SPATA6: variants seen among roughly 807,000 people sequenced by gnomAD.
SPATA6 encodes the protein spermatogenesis associated 6, also known as spermatogenesis-associated protein 6.
A neutral mutation model predicts 65.3 loss-of-function variants in SPATA6; 56 were observed. That is an observed-to-expected ratio of 0.86 (90% CI 0.69 to 1.07). SPATA6 has a LOEUF of 1.07. SPATA6 is among the 50% of genes least tolerant of loss of function. The pLI, the probability that SPATA6 is intolerant of heterozygous loss-of-function variation, is 0.00. For missense variants in SPATA6, 590 were observed against 594.8 expected (o/e 0.99, Z 0.08); for synonymous variants, 199 against 213.2 (o/e 0.93, Z 0.58).
At chr1:48,432,819 T>C (rs1336270073) in intron 3 of SPATA6, among the ~76,000 whole-genome samples, 1 of 152,156 alleles carries the variant, frequency 6.6e-6, no homozygotes, top group Non-Finnish European at 1.5e-5. Flanking sequence ...CAAACAGATA[T>C]CTGTACTCCC....
At chr1:48,359,858 G>A (rs1646761671) in intron 9 of SPATA6, 88 bp from the exon 10 acceptor site, 1 of 977,742 alleles carries the variant, frequency 1.0e-6, no homozygotes, top group African/African-American at 1.6e-5. Context: ...ATGCATAGTA[G>A]TCATATGCAT....
At chr1:48,305,902 T>C (rs1645050017) in intron 11 of SPATA6, 24 bp from the exon 12 acceptor site, 1 of 1,571,282 alleles carries the variant, frequency 6.4e-7, no homozygotes. Context: ...AAGATTTCCA[T>C]TAACTCACTG....
At chr1:48,338,436 T>C (rs1646120108) in intron 11 of SPATA6, among the ~76,000 whole-genome samples, 1 of 152,034 alleles carries the variant, frequency 6.6e-6, no homozygotes, top group African/African-American at 2.4e-5. Flanking sequence ...GCAAAATGCA[T>C]CTTCCTGCTA....
chr1:48,452,367 T>C (rs1656645371), intron 2 of SPATA6, among the ~76,000 whole-genome samples: 1 of 151,066 alleles, frequency 6.6e-6, no homozygotes, highest in Non-Finnish European at 1.5e-5. Flanking sequence ...GAAACAGTCA[T>C]AAGTAAAATA....
chr1:48,372,214 C>T (rs1184074540), intron 9 of SPATA6, among the ~76,000 whole-genome samples: 3 of 152,128 alleles, frequency 2.0e-5, no homozygotes, highest in South Asian at 2.1e-4. Flanking sequence ...TGCCTATGAG[C>T]CTGTAAAACC....
chr1:48,278,610 A>G, the SPATA6 span, among the ~76,000 whole-genome samples: 7 of 152,228 alleles, frequency 4.6e-5, no homozygotes, highest in African/African-American at 1.7e-4. Flanking sequence ...AATGAAATGA[A>G]GCGAGAAGGG....
At chr1:48,449,866 A>G (rs890276833) in intron 3 of SPATA6, among the ~76,000 whole-genome samples, 2 of 152,228 alleles carry the variant, frequency 1.3e-5, no homozygotes, top group African/African-American at 4.8e-5. Context: ...CATAATGCAT[A>G]GAATTTGCTT....
At chr1:48,335,954 T>C (rs774346400) in intron 11 of SPATA6, among the ~76,000 whole-genome samples, 2 of 151,986 alleles carry the variant, frequency 1.3e-5, no homozygotes, top group Non-Finnish European at 2.9e-5. Context: ...AACAATCCCA[T>C]TAAAAAGTGG....
At chr1:48,321,428 C>G (rs1162691018) in intron 11 of SPATA6, among the ~76,000 whole-genome samples, 3 of 151,960 alleles carry the variant, frequency 2.0e-5, no homozygotes, top group Admixed American at 6.6e-5. Context: ...TAAAAAGAGA[C>G]AAGTTCACTA....
rs756411278 is a variant in SPATA6 at position 48,298,770 on chromosome 1, G to C, written c.1410C>G (p.Tyr470Ter). ...TACAGGCCTTTTTGTATAAGTTCCT[G>C]TACATCTTGTCCATGCTGTTCTCAA... ...PIFENSMDKM[Y>*]RNLYKKACSS... Residue 470 changes from tyrosine to a stop codon, truncating the protein, a stop_gained, in exon 13 of 13, where the codon TAC (tyrosine) becomes TAG (stop). Coordinates refer to ENST00000371847, the MANE Select transcript of SPATA6 (RefSeq NM_019073.4). LOFTEE classifies it high-confidence loss of function. 1 of 1,613,994 alleles carries C rather than the reference G, an allele frequency of 6.2e-7. No individual in the cohort carries two copies. Among genetic ancestry groups the C allele is most frequent in the South Asian group, 1.1e-5 (1 of 91,070 alleles).
chr1:48,362,858 A>C (rs1307340107), intron 9 of SPATA6, among the ~76,000 whole-genome samples: 2 of 152,158 alleles, frequency 1.3e-5, no homozygotes, highest in Non-Finnish European at 2.9e-5. Context: ...GTAATAGAGA[A>C]TATCATAGAG....
intron 11 of SPATA6, chr1:48,326,055 G>C (rs1051499578): frequency 1.9e-5 from 3 of 161,682 alleles, no homozygotes; most frequent in African/African-American, 7.2e-5. Flanking sequence ...AACCAGAAGG[G>C]GGCTTACCTG....
chr1:48,464,033 A>T (rs562392056), intron 1 of SPATA6, among the ~76,000 whole-genome samples: 1 of 152,054 alleles, frequency 6.6e-6, no homozygotes, highest in Non-Finnish European at 1.5e-5. Flanking sequence ...AACATTCAGG[A>T]TTTTTTAAAA....
intron 11 of SPATA6, among the ~76,000 whole-genome samples, chr1:48,351,827 C>G (rs1170953758): frequency 6.6e-6 from 1 of 151,956 alleles, no homozygotes; most frequent in Non-Finnish European, 1.5e-5. Flanking sequence ...CTTCTATTTT[C>G]AGGGATGTGC....
At chr1:48,421,127 G>A (rs1287236651) in intron 3 of SPATA6, among the ~76,000 whole-genome samples, 1 of 152,084 alleles carries the variant, frequency 6.6e-6, no homozygotes, top group Non-Finnish European at 1.5e-5. Flanking sequence ...GTGATCTATT[G>A]CACAGTAGGG....
intron 3 of SPATA6, among the ~76,000 whole-genome samples, chr1:48,417,310 T>C (rs1652866315): frequency 6.6e-6 from 1 of 152,130 alleles, no homozygotes; most frequent in Admixed American, 6.6e-5. Context: ...TTAGAAACAA[T>C]GTTATAATCT....
At chr1:48,380,284 CTTTT>C (rs1467589478) in intron 9 of SPATA6, among the ~76,000 whole-genome samples, 1 of 152,062 alleles carries the variant, frequency 6.6e-6, no homozygotes, top group Non-Finnish European at 1.5e-5. Context: ...GAAAATAATC[CTTTT>C]TTATTTTCAT....
chr1:48,291,105 C>T (rs1379313872), downstream of SPATA6, among the ~76,000 whole-genome samples: 1 of 152,220 alleles, frequency 6.6e-6, no homozygotes, highest in African/African-American at 2.4e-5. Flanking sequence ...AAGTAAAGCA[C>T]TCCTCAGCAA....
chr1:48,338,827 TA>T (rs1646130280), intron 11 of SPATA6, among the ~76,000 whole-genome samples: 2 of 152,198 alleles, frequency 1.3e-5, no homozygotes, highest in Admixed American at 1.3e-4. Flanking sequence ...ATATGTTACT[TA>T]AAATGTATCA....
Sources: gnomAD v4.1 joint callset for allele counts (sites outside exome capture counted in the v4.1 genomes callset) on GRCh38, gnomAD v4.1.1 for gene constraint, MANE v1.5 for transcripts, NCBI Gene and HGNC (gene_info 2026-07-23, HGNC 2026-07-21) for gene names.